The following PDE10A variants were observed in gnomAD, a reference collection of about 807,000 sequenced individuals.
PDE10A encodes the protein cAMP and cAMP-inhibited cGMP 3',5'-cyclic phosphodiesterase 10A.
A neutral mutation model predicts 97.7 loss-of-function variants in PDE10A; 39 were observed. The ratio of observed to expected loss-of-function variants is 0.40; its 90% CI spans 0.31 to 0.52. PDE10A has a LOEUF of 0.52. PDE10A is among the 20% of genes least tolerant of loss of function. The pLI is 0.56. For synonymous variants in PDE10A, 371 were observed against 376.8 expected (o/e 0.98, Z 0.18); for missense variants, 731 against 1,047.8 (o/e 0.70, Z 4.17).
At chr6:165,465,418 C>G (rs1463567670) in intron 3 of PDE10A, among the ~76,000 whole-genome samples, 1 of 152,202 alleles carries the variant, frequency 6.6e-6, no homozygotes, top group South Asian at 2.1e-4. Context: ...AGAGAAAAAG[C>G]AGCCACCTTC....
At chr6:165,841,642 G>C (rs778165900) in intron 1 of PDE10A, among the ~76,000 whole-genome samples, 10 of 152,360 alleles carry the variant, frequency 6.6e-5, no homozygotes, top group Admixed American at 5.2e-4. Flanking sequence ...ACTGTGGTTG[G>C]TGGGCACTTG....
At chr6:165,730,002 T>C (rs1469762729) in intron 1 of PDE10A, among the ~76,000 whole-genome samples, 1 of 152,164 alleles carries the variant, frequency 6.6e-6, no homozygotes, top group African/African-American at 2.4e-5. Context: ...CACCTGTATA[T>C]CAATCTTGAA....
chr6:165,371,712 C>T (rs1784261514), intron 18 of PDE10A, among the ~76,000 whole-genome samples: 1 of 151,936 alleles, frequency 6.6e-6, no homozygotes, highest in Non-Finnish European at 1.5e-5. Flanking sequence ...AGGGAATCCT[C>T]CCTAACTCAT....
At chr6:165,561,092 A>T (rs1474243813) in intron 1 of PDE10A, among the ~76,000 whole-genome samples, 1 of 151,522 alleles carries the variant, frequency 6.6e-6, no homozygotes, top group East Asian at 1.9e-4. Context: ...GGTGGCGGGC[A>T]CCTGTAGTCC....
chr6:165,619,065 T>C (rs1404901325), intron 1 of PDE10A, among the ~76,000 whole-genome samples: 8 of 146,954 alleles, frequency 5.4e-5, no homozygotes, highest in African/African-American at 2.2e-4. Flanking sequence ...TGGTGTAGTG[T>C]AGTGTAGTGT....
intron 1 of PDE10A, among the ~76,000 whole-genome samples, chr6:165,890,105 A>ACTGACTTCTCCCTCACTCCTCC (rs1781750790): frequency 7.7e-6 from 1 of 130,044 alleles, no homozygotes; most frequent in Non-Finnish European, 1.6e-5. Context: ...CTCACTCCTC[A>ACTGACTTCTCCCTCACTCCTCC]CTGACTTCTC....
At position 165,532,224 on chromosome 6, in the gene PDE10A, G is replaced by C. The variant is rs138984907; in HGVS notation, c.994+11216C>G. 2.8e-3 allele frequency among the ~76,000 whole-genome samples: 423 copies of C among 151,800 alleles called. 1 individual carries two copies. The highest frequency in any genetic ancestry group is 6.8e-3 in the Middle Eastern group (2 of 294). On this transcript the variant is annotated intron_variant, in intron 2 of 21. Coordinates refer to ENST00000539869, the MANE Select transcript of PDE10A (RefSeq NM_001385079.1). ...ACAGGAGCTCTGCTTTCCTGCCTTT[G>C]CTCATGTTGCTCCTCAGCCCATGAC...
Position 165,818,995 on chromosome 6 carries a change from G to A in PDE10A, c.-615+168534C>T, listed in dbSNP as rs116893256. ...ATTCAATGTATATAAAATGTAAGGG[G>A]TTGAACACGAAGCTTGAAGTGTGGC... On this transcript the variant is annotated intron_variant, in intron 1 of 19. Coordinates refer to the PDE10A transcript ENST00000366882. Among the ~76,000 whole-genome samples the A allele has an allele frequency of 1.1e-3, 168 of 152,258 alleles. 5 individuals carry two copies. The East Asian group carries it at 0.027, about 24-fold the overall frequency.
chr6:165,732,663 C>T, intron 1 of PDE10A, among the ~76,000 whole-genome samples: 1 of 152,212 alleles, frequency 6.6e-6, no homozygotes, highest in Non-Finnish European at 1.5e-5. Context: ...TTGCAAATTT[C>T]CAGATGAGGC....
chr6:165,434,583 T>A (rs1320888507), intron 6 of PDE10A, among the ~76,000 whole-genome samples: 2 of 152,240 alleles, frequency 1.3e-5, no homozygotes, highest in African/African-American at 2.4e-5. Context: ...TGATTTGCTC[T>A]GGCTAATGGG....
At chr6:165,847,058 G>T (rs776752861) in intron 1 of PDE10A, among the ~76,000 whole-genome samples, 2 of 152,208 alleles carry the variant, frequency 1.3e-5, no homozygotes, top group Non-Finnish European at 2.9e-5. Flanking sequence ...AGGAGACTTT[G>T]CCAACACCAG....
chr6:165,745,788 G>A (rs1477074814), intron 1 of PDE10A, among the ~76,000 whole-genome samples: 1 of 152,032 alleles, frequency 6.6e-6, no homozygotes, highest in Non-Finnish European at 1.5e-5. Flanking sequence ...GTTTTGTTTC[G>A]ATATATGTTC....
intron 2 of PDE10A, among the ~76,000 whole-genome samples, chr6:165,486,220 G>A (rs1241007093): frequency 6.6e-6 from 1 of 152,218 alleles, no homozygotes; most frequent in Non-Finnish European, 1.5e-5. Flanking sequence ...GGATGTGCAT[G>A]AGGATATGTT....
At chr6:165,842,723 C>T (rs1038758657) in intron 1 of PDE10A, among the ~76,000 whole-genome samples, 1 of 152,196 alleles carries the variant, frequency 6.6e-6, no homozygotes, top group Non-Finnish European at 1.5e-5. Flanking sequence ...TCTCACCCAG[C>T]ACAGAGAGGT....
intron 1 of PDE10A, among the ~76,000 whole-genome samples, chr6:165,919,898 T>C (rs1782709096): frequency 6.6e-6 from 1 of 152,258 alleles, no homozygotes; most frequent in South Asian, 2.1e-4. Flanking sequence ...AGGTGCATTC[T>C]GTTAATGAGG....
At position 165,362,310 on chromosome 6, in the gene PDE10A, A is replaced by G. The variant is rs548623094; in HGVS notation, c.2783+16884T>C. ...TTTAAGCTAGACTGACCAAGAAAAG[A>G]CAGAGAGGGAGAGGGAGAAAAAGAA... On this transcript the variant is annotated intron_variant, in intron 18 of 21. Coordinates refer to ENST00000539869, the MANE Select transcript of PDE10A (RefSeq NM_001385079.1). Among the ~76,000 whole-genome samples the G allele has an allele frequency of 1.9e-4, 29 of 152,314 alleles. No individual in the cohort carries two copies. In the South Asian group the frequency reaches 5.2e-3, roughly 27 times the overall value.
rs1430827686 is a variant in PDE10A, at chr6:165,330,666, ATAAAT to A, written c.*2354_*2358del. On this transcript the variant is annotated 3_prime_UTR_variant, in exon 22 of 22. Transcript: ENST00000539869. ...AGATTACATAATACACTTGACTATA[ATAAAT>A]TAAGAGAATTTTCTGTAATAACCTA... The A allele has an allele frequency of 1.3e-5, 2 of 152,198 alleles. No homozygotes were observed. Among genetic ancestry groups the A allele is most frequent in the African/African-American group, 4.8e-5 (2 of 41,460 alleles). The allele number at this position is 152,198 out of a possible 1,614,324, so 9.4% of individuals were successfully genotyped here. A position where few individuals can be genotyped will look rare whatever the true frequency, so the allele number is the denominator to read the frequency against.
intron 1 of PDE10A, among the ~76,000 whole-genome samples, chr6:165,970,528 C>T (rs928085513): frequency 1.3e-5 from 2 of 151,690 alleles, no homozygotes; most frequent in South Asian, 2.1e-4. Flanking sequence ...TTTAAAATAT[C>T]CATAACAGTT....
At chr6:165,744,662 A>G (rs1792803964) in intron 1 of PDE10A, among the ~76,000 whole-genome samples, 1 of 152,148 alleles carries the variant, frequency 6.6e-6, no homozygotes, top group South Asian at 2.1e-4. Flanking sequence ...TTTATGGTGA[A>G]CACTCATGTA....
Sources: allele counts gnomAD v4.1 joint callset (sites outside exome capture counted in the v4.1 genomes callset), GRCh38; gene constraint gnomAD v4.1.1; transcripts MANE v1.5; gene names NCBI Gene and HGNC (gene_info 2026-07-23, HGNC 2026-07-21).